Variants in WWOX observed in about 807,000 individuals in gnomAD.
The protein encoded by WWOX is WW domain containing oxidoreductase, also known as WW domain-containing oxidoreductase.
In WWOX, 69 loss-of-function variants were observed where a neutral mutation model predicts 46.2. The ratio of observed to expected loss-of-function variants is 1.49; its 90% CI spans 1.23 to 1.82. The LOEUF is 1.82. Among genes scored for constraint, WWOX ranks in the 40% most tolerant of loss-of-function variants. The pLI, the probability that WWOX is intolerant of heterozygous loss-of-function variation, is 0.00. For missense variants in WWOX, 919 were observed against 542.6 expected, an observed-to-expected ratio of 1.69 and a Z score of -6.89; for synonymous variants, 359 against 202.6, an observed-to-expected ratio of 1.77 and a Z score of -6.56.
intron 8 of WWOX, among the ~76,000 whole-genome samples, chr16:78,462,019 AGC>A: frequency 6.6e-6 from 1 of 152,254 alleles, no homozygotes; most frequent in Non-Finnish European, 1.5e-5. Flanking sequence ...CTCTGGTTTT[AGC>A]CCTCAGGCAA....
chr16:78,286,949 TAGAA>T (rs1298639701), intron 5 of WWOX, among the ~76,000 whole-genome samples: 1 of 152,228 alleles, frequency 6.6e-6, no homozygotes, highest in East Asian at 1.9e-4. Context: ...TGTTTTTAGT[TAGAA>T]AGTTCATTTT....
At chr16:78,594,811 G>T (rs1044912790) in intron 8 of WWOX, among the ~76,000 whole-genome samples, 5 of 152,102 alleles carry the variant, frequency 3.3e-5, no homozygotes, top group Admixed American at 2.6e-4. Flanking sequence ...AGTCTCTCGG[G>T]ATGTAAATTA....
Position 78,557,404 on chromosome 16 carries a change from T to C in WWOX, c.1056+124652T>C, listed in dbSNP as rs139998378. 3.9e-5 allele frequency among the ~76,000 whole-genome samples: 6 copies of C among 152,312 alleles called. No individual in the cohort carries two copies. The East Asian group carries it at 9.7e-4, about 25-fold the overall frequency. ...TCTTAGCCCTCAATTGTCACATTCATTCAGCAGATGTTAGCACGTGCAGGC... is the reference window on the plus strand; with the variant it reads ...TCTTAGCCCTCAATTGTCACATTCACTCAGCAGATGTTAGCACGTGCAGGC... On this transcript the variant is annotated intron_variant, in intron 8 of 8. Transcript: ENST00000566780.
intron 8 of WWOX, chr16:79,196,461 G>C (rs2051242273): frequency 8.4e-6 from 1 of 119,134 alleles, no homozygotes. Context: ...GGAGGCCCCA[G>C]GGTTATCTCT....
intron 8 of WWOX, among the ~76,000 whole-genome samples, chr16:79,050,447 C>G (rs1597325375): frequency 6.6e-6 from 1 of 152,180 alleles, no homozygotes; most frequent in Non-Finnish European, 1.5e-5. Context: ...CACATAAGGA[C>G]TTTCAAGTCT....
chr16:79,144,704 T>C (rs2050152454), intron 8 of WWOX, among the ~76,000 whole-genome samples: 1 of 152,216 alleles, frequency 6.6e-6, no homozygotes, highest in Non-Finnish European at 1.5e-5. Flanking sequence ...TTTATTGACC[T>C]AATGTTCTGT....
chr16:78,438,411 T>G (rs1464502470), intron 8 of WWOX, among the ~76,000 whole-genome samples: 1 of 152,122 alleles, frequency 6.6e-6, no homozygotes, highest in African/African-American at 2.4e-5. Context: ...TTAAAATGTT[T>G]GACAGCACCT....
chr16:78,939,705 G>C (rs2045813275), intron 8 of WWOX, among the ~76,000 whole-genome samples: 1 of 152,210 alleles, frequency 6.6e-6, no homozygotes, highest in Admixed American at 6.5e-5. Flanking sequence ...GGGCTTTGTA[G>C]GTACCCAAGT....
intron 8 of WWOX, among the ~76,000 whole-genome samples, chr16:78,883,717 C>G (rs2044391694): frequency 6.8e-6 from 1 of 148,130 alleles, no homozygotes; most frequent in African/African-American, 2.5e-5. Context: ...GAGCAAGACT[C>G]TGTCTCAAAA....
chr16:79,125,370 A>G (rs193162443), intron 8 of WWOX, among the ~76,000 whole-genome samples: 1 of 152,310 alleles, frequency 6.6e-6, no homozygotes, highest in Admixed American at 6.5e-5. Context: ...TGGGAAAGTA[A>G]ATGGTTTATG....
intron 8 of WWOX, among the ~76,000 whole-genome samples, chr16:78,962,769 C>T (rs1329863582): frequency 6.6e-6 from 1 of 152,174 alleles, no homozygotes; most frequent in Non-Finnish European, 1.5e-5. Flanking sequence ...ATTTCTAACA[C>T]CTCAGAAGGC....
At chr16:79,069,651 AAAAT>A (rs1304991463) in intron 8 of WWOX, among the ~76,000 whole-genome samples, 5 of 152,156 alleles carry the variant, frequency 3.3e-5, no homozygotes, top group Non-Finnish European at 5.9e-5. Flanking sequence ...GGACTGAAAA[AAAAT>A]AAAGAAAACA....
chr16:78,726,350 C>T (rs922627906), intron 8 of WWOX, among the ~76,000 whole-genome samples: 4 of 151,974 alleles, frequency 2.6e-5, no homozygotes, highest in East Asian at 3.9e-4. Context: ...CTCAGCCTCC[C>T]GGGTAGCTGG....
In WWOX at chr16:78,786,711, A is replaced by C. The variant is rs76223538; in HGVS notation, c.1056+353959A>C. 8.8e-3 allele frequency among the ~76,000 whole-genome samples: 1,335 copies of C among 152,328 alleles called. 23 individuals are homozygous for C. Among genetic ancestry groups the C allele is most frequent in the African/African-American group, 0.03 (1,254 of 41,568 alleles). On this transcript the variant is annotated intron_variant, in intron 8 of 8. Coordinates refer to ENST00000566780, the MANE Select transcript of WWOX (RefSeq NM_016373.4). ...CTGTGCCCATAGTTGGCAGTTTGTCATATCACTCAATCACTGTTTCCTTTA... is the reference window on the plus strand; with the variant it reads ...CTGTGCCCATAGTTGGCAGTTTGTCCTATCACTCAATCACTGTTTCCTTTA...
At chr16:78,700,791 G>A (rs376864304) in intron 8 of WWOX, among the ~76,000 whole-genome samples, 1 of 152,150 alleles carries the variant, frequency 6.6e-6, no homozygotes, top group Non-Finnish European at 1.5e-5. Flanking sequence ...GGCACTGAGC[G>A]GGTGCTTAGT....
chr16:78,588,074 T>C (rs1057109589), intron 8 of WWOX, among the ~76,000 whole-genome samples: 11 of 152,294 alleles, frequency 7.2e-5, no homozygotes, highest in African/African-American at 2.4e-4. Flanking sequence ...GTCACAGCCC[T>C]GCTTTGTGGC....
intron 5 of WWOX, among the ~76,000 whole-genome samples, chr16:78,172,620 G>A (rs1346419080): frequency 6.8e-6 from 1 of 147,394 alleles, no homozygotes; most frequent in Non-Finnish European, 1.5e-5. Context: ...GCCACCGCTC[G>A]CAGTCTTGAA....
At chr16:78,368,184 G>A (rs1443385163) in intron 5 of WWOX, among the ~76,000 whole-genome samples, 1 of 152,194 alleles carries the variant, frequency 6.6e-6, no homozygotes, top group Non-Finnish European at 1.5e-5. Flanking sequence ...GGCCATGTCT[G>A]TAATCTCCCC....
At position 78,632,693 on chromosome 16, in the gene WWOX, G is replaced by A. The variant is rs78638485; in HGVS notation, c.1056+199941G>A. Among the ~76,000 whole-genome samples, 14 of 150,180 alleles carry A rather than the reference G, an allele frequency of 9.3e-5. No individual in the cohort carries two copies. The East Asian group carries it at 2.8e-3, about 30-fold the overall frequency. Reference sequence around the variant, plus strand: ...CCTGCCTCAGCCTCTCGAATAGCTGGGATTACAGGTGTGCGCCACCACGCC... The same window carrying A: ...CCTGCCTCAGCCTCTCGAATAGCTGAGATTACAGGTGTGCGCCACCACGCC... On this transcript the variant is annotated intron_variant, in intron 8 of 8. Transcript: ENST00000566780.
Sources: gnomAD v4.1 joint callset for allele counts (sites outside exome capture counted in the v4.1 genomes callset) on GRCh38, gnomAD v4.1.1 for gene constraint, MANE v1.5 for transcripts, NCBI Gene and HGNC (gene_info 2026-07-23, HGNC 2026-07-21) for gene names.